The following MSRA variants were observed in gnomAD, a reference collection of about 807,000 sequenced individuals.
MSRA encodes the protein methionine sulfoxide reductase A.
A neutral mutation model predicts 31.3 loss-of-function variants in MSRA; 54 were observed. That is an observed-to-expected ratio of 1.73 (90% CI 1.39 to 2.17). The LOEUF is 2.17. MSRA is among the 30% of genes most tolerant of loss of function. The pLI is 0.00. For synonymous variants in MSRA, 169 were observed against 116.5 expected, an observed-to-expected ratio of 1.45 and a Z score of -2.90; for missense variants, 507 against 300.9, an observed-to-expected ratio of 1.69 and a Z score of -5.07.
rs143269608 is a variant in MSRA, at chr8:10,267,461, C to T, written c.331+22238C>T. ...CCCAGTTCTTGTCCTTATAATTATTCCAGGAGTAGGAGTCCTTAGCACCAC... is the reference window on the plus strand; with the variant it reads ...CCCAGTTCTTGTCCTTATAATTATTTCAGGAGTAGGAGTCCTTAGCACCAC... On this transcript the variant is annotated intron_variant, in intron 3 of 5. Transcript: ENST00000317173. Among the ~76,000 whole-genome samples, 721 of 151,984 alleles carry T rather than the reference C, an allele frequency of 4.7e-3. 2 individuals are homozygous for T. Among genetic ancestry groups the T allele is most frequent in the Non-Finnish European group, 7.9e-3 (538 of 67,948 alleles).
intron 3 of MSRA, among the ~76,000 whole-genome samples, chr8:10,298,171 T>C (rs768894700): frequency 4.6e-5 from 7 of 152,244 alleles, no homozygotes; most frequent in Admixed American, 1.3e-4. Flanking sequence ...GCAATGTTTG[T>C]ATGTCTGTGT....
At chr8:10,428,000 G>C in intron 5 of MSRA, 148 bp from the exon 6 acceptor site, 1 of 734,100 alleles carries the variant, frequency 1.4e-6, no homozygotes, top group Non-Finnish European at 2.2e-6. Flanking sequence ...CACTCCACTT[G>C]GAATGCGGAG....
At chr8:10,113,603 G>A (rs937986509) in intron 1 of MSRA, among the ~76,000 whole-genome samples, 30 of 151,688 alleles carry the variant, frequency 2.0e-4, no homozygotes, top group South Asian at 4.2e-4. Flanking sequence ...AATAAAATGG[G>A]TACTGGCCAT....
intron 1 of MSRA, among the ~76,000 whole-genome samples, chr8:10,201,143 A>G (rs969100884): frequency 2.4e-4 from 37 of 151,994 alleles, no homozygotes; most frequent in African/African-American, 8.9e-4. Flanking sequence ...TTTTTACCAT[A>G]TTACTGAGAT....
chr8:10,348,979 G>A (rs1406998454), intron 5 of MSRA, among the ~76,000 whole-genome samples: 4 of 152,132 alleles, frequency 2.6e-5, no homozygotes, highest in East Asian at 1.9e-4. Context: ...TTATGTATCT[G>A]ATGAAGATAA....
intron 5 of MSRA, among the ~76,000 whole-genome samples, chr8:10,349,428 A>G (rs549462135): frequency 6.6e-6 from 1 of 151,896 alleles, no homozygotes; most frequent in Non-Finnish European, 1.5e-5. Context: ...TTTTTTGTTT[A>G]TTCTTCAGGG....
intron 5 of MSRA, among the ~76,000 whole-genome samples, chr8:10,378,167 C>T (rs1468871129): frequency 6.6e-6 from 1 of 152,220 alleles, no homozygotes; most frequent in African/African-American, 2.4e-5. Context: ...ATTCTAGTCT[C>T]AGCTCTGCCA....
chr8:10,258,253 C>T (rs570906234), intron 3 of MSRA, among the ~76,000 whole-genome samples: 4 of 151,790 alleles, frequency 2.6e-5, no homozygotes, highest in Non-Finnish European at 5.9e-5. Context: ...TATGCTGTGT[C>T]TCTCTCAAAG....
intron 2 of MSRA, among the ~76,000 whole-genome samples, chr8:10,235,250 A>C (rs938975268): frequency 6.6e-6 from 1 of 152,150 alleles, no homozygotes; most frequent in Non-Finnish European, 1.5e-5. Context: ...TCGGAAATAA[A>C]ATTGTGAAGG....
chr8:10,320,211 G>T, intron 5 of MSRA: 1 of 354,336 alleles, frequency 2.8e-6, no homozygotes, highest in African/African-American at 2.1e-5. Flanking sequence ...GCTCATGCCT[G>T]TAATCCCAGT....
At chr8:10,421,402 A>C (rs1357366701) in intron 5 of MSRA, among the ~76,000 whole-genome samples, 2 of 152,030 alleles carry the variant, frequency 1.3e-5, no homozygotes, top group African/African-American at 4.8e-5. Flanking sequence ...CCTGGTCTCC[A>C]CTCTGGGCTC....
chr8:10,119,871 T>A (rs1201972432), intron 1 of MSRA, among the ~76,000 whole-genome samples: 3 of 152,124 alleles, frequency 2.0e-5, no homozygotes, highest in African/African-American at 7.2e-5. Flanking sequence ...AAGACACTAT[T>A]TACAAAGGTG....
rs573815597 is a variant in MSRA, at chr8:10,216,340, CTA to C, written c.211+8441_211+8442del. 1.6e-3 allele frequency among the ~76,000 whole-genome samples: 237 copies of C among 152,288 alleles called. 1 individual carries two copies. The highest frequency in any genetic ancestry group is 2.5e-3 in the Non-Finnish European group (170 of 68,022). On this transcript the variant is annotated intron_variant, in intron 2 of 5. Transcript: ENST00000317173. ...ATAAAACTTGCTCATAAATTTGGCT[CTA>C]TGTTTCCTAGCAGCAACATGAAGAA...
At chr8:10,417,417 A>AAGACACAC (rs1554557395) in intron 5 of MSRA, among the ~76,000 whole-genome samples, 1 of 13,074 alleles carries the variant, frequency 7.6e-5, no homozygotes, top group Non-Finnish European at 1.7e-4. Context: ...CCTTCGTCAG[A>AAGACACAC]AGACACACAC....
At chr8:10,325,088 C>G (rs1802284266) in intron 5 of MSRA, among the ~76,000 whole-genome samples, 1 of 152,156 alleles carries the variant, frequency 6.6e-6, no homozygotes, top group Non-Finnish European at 1.5e-5. Flanking sequence ...CCACAGGGAT[C>G]TAAAGTGATG....
intron 1 of MSRA, among the ~76,000 whole-genome samples, chr8:10,195,283 C>G (rs1387296116): frequency 6.6e-6 from 1 of 152,168 alleles, no homozygotes; most frequent in African/African-American, 2.4e-5. Flanking sequence ...CTCTGTCGCC[C>G]AGGCTTCAGT....
intron 3 of MSRA, among the ~76,000 whole-genome samples, chr8:10,288,137 G>C (rs2129113362): frequency 6.6e-6 from 1 of 152,308 alleles, no homozygotes; most frequent in East Asian, 1.9e-4. Context: ...CATTTTGATT[G>C]TACTGATATT....
intron 3 of MSRA, among the ~76,000 whole-genome samples, chr8:10,256,462 A>T (rs926781109): frequency 6.6e-6 from 1 of 152,310 alleles, no homozygotes; most frequent in Admixed American, 6.5e-5. Context: ...TTCAGTAGAG[A>T]TTAATGCAAG....
At chr8:10,317,393 C>G (rs1457924118) in intron 4 of MSRA, among the ~76,000 whole-genome samples, 1 of 152,214 alleles carries the variant, frequency 6.6e-6, no homozygotes, top group Non-Finnish European at 1.5e-5. Context: ...GAGAAGTCAT[C>G]ATCTTATGCT....
Sources: gnomAD v4.1 joint callset for allele counts (sites outside exome capture counted in the v4.1 genomes callset) on GRCh38, gnomAD v4.1.1 for gene constraint, MANE v1.5 for transcripts, NCBI Gene and HGNC (gene_info 2026-07-23, HGNC 2026-07-21) for gene names.